MIER1: variants seen among roughly 807,000 people sequenced by gnomAD.
MIER1 encodes MIER1 transcriptional regulator.
MIER1 carries 40 observed loss-of-function variants against 75.7 expected under a neutral mutation model. That is an observed-to-expected ratio of 0.53 (90% CI 0.41 to 0.69). The LOEUF is 0.69. Ranked by LOEUF, MIER1 falls within the 30% of genes least tolerant of loss-of-function variation. The pLI, the probability that MIER1 is intolerant of heterozygous loss-of-function variation, is 0.00. For missense variants in MIER1, 574 were observed against 680.2 expected (o/e 0.84, Z 1.74); for synonymous variants, 213 against 223.4 (o/e 0.95, Z 0.42).
intron 2 of MIER1, chr1:66,930,512 GC>G: frequency 8.7e-7 from 1 of 1,147,570 alleles, no homozygotes; most frequent in Non-Finnish European, 1.2e-6. Flanking sequence ...TGGCGCCGCT[GC>G]CCACCTGTTG....
Position 66,958,092 on chromosome 1 carries a change from C to T in MIER1, c.373C>T (p.Leu125Phe). The change falls in exon 5 of 14, where the codon CTT (leucine) becomes TTT (phenylalanine). Residue 125 changes from leucine to phenylalanine, a missense_variant. Physicochemically the swap from Leu to Phe is conservative, Grantham distance 22. Transcript: ENST00000401041. ...GDMPIHELLSLYGYGSTVRLP... is the reference protein window; with the variant it reads ...GDMPIHELLSFYGYGSTVRLP... ...CATGCCAATTCATGAACTTCTCAGC[C>T]TTTATGGTTATGGTAGTACTGTTCG... 4.4e-6 allele frequency: 7 copies of T among 1,607,298 alleles called. No homozygotes were observed. The highest frequency in any genetic ancestry group is 5.1e-6 in the Non-Finnish European group (6 of 1,176,324).
intron 8 of MIER1, among the ~76,000 whole-genome samples, chr1:66,969,652 GT>G (rs1663207028): frequency 6.7e-6 from 1 of 149,052 alleles, no homozygotes; most frequent in Non-Finnish European, 1.5e-5. Flanking sequence ...GACGCTGTTA[GT>G]TATTCTTTGT....
intron 2 of MIER1, chr1:66,930,189 A>G (rs938465269): frequency 7.4e-7 from 1 of 1,356,924 alleles, no homozygotes; most frequent in Non-Finnish European, 9.5e-7. Context: ...CCTCCAGTCC[A>G]GCCCAGCCGG....
At chr1:66,925,524 C>T in intron 1 of MIER1, 1 of 985,454 alleles carries the variant, frequency 1.0e-6, no homozygotes, top group Non-Finnish European at 1.2e-6. Flanking sequence ...GCTTGCACTG[C>T]AGCCTTTATG....
rs1318209551 is a variant in MIER1, at chr1:66,972,970, T to G, written c.1080T>G (p.Phe360Leu). The G allele has an allele frequency of 1.9e-6, 3 of 1,601,416 alleles. No individual in the cohort carries two copies. The highest frequency in any genetic ancestry group is 2.6e-6 in the Non-Finnish European group (3 of 1,168,986). Residue 360 changes from phenylalanine (F) to leucine (L), a missense_variant, in exon 11 of 14, where the codon TTT becomes TTG. Around this residue, in one of 3 missense-constraint regions of MIER1, gnomAD observed 101 missense variants for 173.1 expected, o/e 0.58. Coordinates refer to ENST00000401041, the MANE Select transcript of MIER1 (RefSeq NM_001077700.3). ...EQGLKAYGKD[F>L]HLIQANKVRT... is the part of the protein sequence containing the mutation. ...GGCTGAAGGCCTATGGAAAGGATTT[T>G]CATTTGATTCAGGCTAATAAAGTAA...
chr1:66,953,719 T>G (rs1034875261), intron 4 of MIER1, among the ~76,000 whole-genome samples: 3 of 151,794 alleles, frequency 2.0e-5, no homozygotes, highest in African/African-American at 7.3e-5. Context: ...TTCTCCTGCC[T>G]CAGCCTCCTG....
chr1:66,979,925 C>CG (rs1665556225), intron 12 of MIER1, among the ~76,000 whole-genome samples: 1 of 152,052 alleles, frequency 6.6e-6, no homozygotes, highest in Non-Finnish European at 1.5e-5. Flanking sequence ...CCACCACACC[C>CG]GGCTAATTTT....
intron 8 of MIER1, among the ~76,000 whole-genome samples, chr1:66,963,636 G>A (rs898671505): frequency 2.0e-5 from 3 of 152,150 alleles, no homozygotes; most frequent in Admixed American, 1.3e-4. Flanking sequence ...TGGACCAGGT[G>A]CCGTGGCTCA....
chr1:66,946,027 C>A (rs1657556762), intron 3 of MIER1, 123 bp from the exon 4 acceptor site: 1 of 772,312 alleles, frequency 1.3e-6, no homozygotes, highest in Non-Finnish European at 2.0e-6. Flanking sequence ...ATAATAGTTG[C>A]TGTGCGTAGC....
At position 66,985,224 on chromosome 1, in the gene MIER1, C is replaced by A; in HGVS notation, c.*324C>A. The A allele has an allele frequency of 1.0e-6, 1 of 969,080 alleles. No homozygotes were observed. The highest frequency in any genetic ancestry group is 1.2e-6 in the Non-Finnish European group (1 of 812,810). 60.0% of individuals were successfully genotyped at this position (969,080 alleles called of 1,614,324 possible). ...GAATGAACTAAAGATGTATCTGTAC[C>A]TTCTCATTTGATGTATTAATCATAA... is the stretch of plus-strand genomic sequence containing the variant. On this transcript the variant is annotated 3_prime_UTR_variant, in exon 14 of 14. Coordinates refer to ENST00000401041, the MANE Select transcript of MIER1 (RefSeq NM_001077700.3).
intron 2 of MIER1, among the ~76,000 whole-genome samples, chr1:66,931,586 A>G (rs182338477): frequency 2.0e-5 from 3 of 152,086 alleles, no homozygotes; most frequent in Admixed American, 2.0e-4. Flanking sequence ...TCTTTTTAAA[A>G]CATTCAATAT....
intron 12 of MIER1, among the ~76,000 whole-genome samples, chr1:66,980,405 T>C: frequency 6.6e-6 from 1 of 152,216 alleles, no homozygotes; most frequent in East Asian, 1.9e-4. Flanking sequence ...CTGAGATATG[T>C]ATTAGTTTTA....
chr1:66,982,150 T>C (rs1241810393), intron 13 of MIER1, among the ~76,000 whole-genome samples: 4 of 152,208 alleles, frequency 2.6e-5, no homozygotes, highest in Non-Finnish European at 5.9e-5. Context: ...GACTATTTCT[T>C]GTAAGAAATT....
rs1656356546 is a variant in MIER1, at chr1:66,942,005, G to C, written c.193+1953G>C. ...AAAAAAAACAGTCTTTGATAGCTTT[G>C]CTACTTGTTGAATACTTAACAGATA... On this transcript the variant is annotated intron_variant, in intron 3 of 13. Coordinates refer to ENST00000401041, the MANE Select transcript of MIER1 (RefSeq NM_001077700.3). Among the ~76,000 whole-genome samples the C allele has an allele frequency of 2.0e-5, 3 of 147,422 alleles. No homozygotes were observed. In the South Asian group the frequency reaches 6.4e-4, roughly 31 times the overall value.
intron 2 of MIER1, among the ~76,000 whole-genome samples, chr1:66,931,420 T>A (rs1431040092): frequency 7.9e-5 from 12 of 152,320 alleles, no homozygotes; most frequent in Admixed American, 7.8e-4. Context: ...GGATTTTTTT[T>A]ATGACTCCTT....
chr1:66,969,545 C>CAAA (rs35924256), intron 8 of MIER1, among the ~76,000 whole-genome samples: 101 of 63,546 alleles, frequency 1.6e-3, no homozygotes, highest in East Asian at 9.7e-3. Context: ...ACTTCGTCTC[C>CAAA]AAAAAAAAAA....
intron 7 of MIER1, among the ~76,000 whole-genome samples, chr1:66,962,813 G>A (rs1467587861): frequency 6.6e-6 from 1 of 151,982 alleles, no homozygotes; most frequent in Admixed American, 6.5e-5. Flanking sequence ...CTTACTAATG[G>A]AATTATCAGA....
At chr1:66,929,964 G>A (rs1652684304) in intron 2 of MIER1, among the ~76,000 whole-genome samples, 1 of 152,226 alleles carries the variant, frequency 6.6e-6, no homozygotes, top group Admixed American at 6.5e-5. Flanking sequence ...AATGCTGGAT[G>A]TGACTCCTTT....
In MIER1 at chr1:66,930,193, C is replaced by T. The variant is rs963168395; in HGVS notation, c.168+3951C>T. 5.1e-6 allele frequency: 7 copies of T among 1,364,612 alleles called. No individual in the cohort carries two copies. The African/African-American group carries it at 7.7e-5, about 15-fold the overall frequency. The allele number at this position is 1,364,612 out of a possible 1,614,324, so 84.5% of individuals were successfully genotyped here. On this transcript the variant is annotated intron_variant, in intron 2 of 13. Transcript: ENST00000401041. ...CTGGTCTTTTCCCTCCAGTCCAGCC[C>T]AGCCGGGGCGCCGCGAGGGGGCGGA...
Sources: gnomAD v4.1 joint callset for allele counts (sites outside exome capture counted in the v4.1 genomes callset) on GRCh38, gnomAD v4.1.1 for gene constraint, gnomAD v4.1.1 regional missense constraint, MANE v1.5 for transcripts, NCBI Gene and HGNC (gene_info 2026-07-23, HGNC 2026-07-21) for gene names.